ASPH: variants seen among roughly 807,000 people sequenced by gnomAD.
ASPH encodes the protein aspartyl/asparaginyl beta-hydroxylase.
A neutral mutation model predicts 118.4 loss-of-function variants in ASPH; 100 were observed. The observed-to-expected ratio is 0.84, with a 90% confidence interval of 0.72 to 1.00. The LOEUF is 1.00. Ranked by LOEUF, ASPH falls within the 50% of genes least tolerant of loss-of-function variation. The probability of loss-of-function intolerance (pLI) is 0.00; values close to 1 mark genes in which losing one functional copy is unlikely to be tolerated. For synonymous variants in ASPH, 315 were observed against 325.6 expected (o/e 0.97, Z 0.35); for missense variants, 920 against 919.5 (o/e 1.00, Z -0.01).
At chr8:61,610,800 G>A (rs1847084240) in intron 14 of ASPH, among the ~76,000 whole-genome samples, 1 of 152,210 alleles carries the variant, frequency 6.6e-6, no homozygotes, top group South Asian at 2.1e-4. Flanking sequence ...GGAATACCTA[G>A]TGTTTCAGGA....
intron 16 of ASPH, among the ~76,000 whole-genome samples, chr8:61,573,437 G>A (rs549181796): frequency 1.3e-5 from 2 of 152,268 alleles, no homozygotes; most frequent in Admixed American, 1.3e-4. Flanking sequence ...AAAGCTTGGA[G>A]GCATCACACT....
At chr8:61,656,663 C>T (rs1161311347) in intron 3 of ASPH, 1 of 152,146 alleles carries the variant, frequency 6.6e-6, no homozygotes, top group Admixed American at 6.5e-5. Flanking sequence ...TTAAAACATA[C>T]CTTGGTTTTA....
intron 16 of ASPH, among the ~76,000 whole-genome samples, chr8:61,569,634 G>C (rs1290543111): frequency 6.6e-6 from 1 of 152,042 alleles, no homozygotes; most frequent in Non-Finnish European, 1.5e-5. Context: ...AACTGATTAG[G>C]ATAAATTACC....
At chr8:61,687,629 C>T (rs1831055211) in intron 1 of ASPH, 1 of 152,164 alleles carries the variant, frequency 6.6e-6, no homozygotes, top group Non-Finnish European at 1.5e-5. Flanking sequence ...TATGATGAAA[C>T]TTTCAGGCAG....
chr8:61,589,334 G>A (rs1283903707), intron 14 of ASPH, among the ~76,000 whole-genome samples: 2 of 152,130 alleles, frequency 1.3e-5, no homozygotes, highest in African/African-American at 2.4e-5. Context: ...TACTGTGTAG[G>A]TGTAATAGTA....
At position 61,637,674 on chromosome 8, in the gene ASPH, C is replaced by A. The variant is rs191997116; in HGVS notation, c.889+273G>T. ...GTAACCTGCTGCTACTCAGGGTAGCCCTCCACACCCTCATCAATTGTTTGC... is the reference window on the plus strand; with the variant it reads ...GTAACCTGCTGCTACTCAGGGTAGCACTCCACACCCTCATCAATTGTTTGC... On this transcript the variant is annotated intron_variant, in intron 12 of 24. Transcript: ENST00000379454. Among the ~76,000 whole-genome samples, 27 of 152,228 alleles carry A rather than the reference C, an allele frequency of 1.8e-4. No homozygotes were observed. In the East Asian group the frequency reaches 4.8e-3, roughly 27 times the overall value.
intron 2 of ASPH, among the ~76,000 whole-genome samples, chr8:61,682,224 G>A (rs947851566): frequency 2.0e-5 from 3 of 151,948 alleles, no homozygotes; most frequent in Non-Finnish European, 4.4e-5. Flanking sequence ...TATTTCAACT[G>A]CTAAGAAAAC....
chr8:61,540,552 C>T (rs942828727), intron 21 of ASPH, among the ~76,000 whole-genome samples: 1 of 152,262 alleles, frequency 6.6e-6, no homozygotes, highest in East Asian at 1.9e-4. Context: ...TCTTTATAAA[C>T]TACCCAGTCT....
chr8:61,506,970 A>G (rs1333819346), intron 24 of ASPH, among the ~76,000 whole-genome samples: 1 of 152,206 alleles, frequency 6.6e-6, no homozygotes, highest in Non-Finnish European at 1.5e-5. Flanking sequence ...TGGGTGGCAG[A>G]GAACCTGGAA....
intron 21 of ASPH, among the ~76,000 whole-genome samples, chr8:61,528,183 T>C (rs1450746468): frequency 1.3e-5 from 2 of 152,304 alleles, no homozygotes; most frequent in East Asian, 1.9e-4. Flanking sequence ...GGGCAGTTCA[T>C]GAAGAACAGG....
At chr8:61,700,076 C>G (rs1311338161) in intron 1 of ASPH, among the ~76,000 whole-genome samples, 1 of 152,192 alleles carries the variant, frequency 6.6e-6, no homozygotes, top group Non-Finnish European at 1.5e-5. Flanking sequence ...AATGGGCTCC[C>G]AAGAGCAAGG....
In ASPH at chr8:61,666,049, A is replaced by G. The variant is rs1228284379; in HGVS notation, c.323-12389T>C. Among the ~76,000 whole-genome samples, 4 of 152,338 alleles carry G rather than the reference A, an allele frequency of 2.6e-5. No homozygotes were observed. In the East Asian group the frequency reaches 7.7e-4, roughly 29 times the overall value. ...GCTCAAAAACATATGTCCTTAAAAT[A>G]CACGTGCTTCTTTGAAGACAAATAT... On this transcript the variant is annotated intron_variant, in intron 3 of 24. Coordinates refer to ENST00000379454, the MANE Select transcript of ASPH (RefSeq NM_004318.4).
intron 14 of ASPH, among the ~76,000 whole-genome samples, chr8:61,596,137 A>C (rs1030856500): frequency 6.6e-6 from 1 of 152,036 alleles, no homozygotes; most frequent in Non-Finnish European, 1.5e-5. Context: ...AGATTGGTTC[A>C]CCTGGCCCGC....
At chr8:61,671,111 G>C (rs1399921607) in intron 3 of ASPH, among the ~76,000 whole-genome samples, 1 of 152,160 alleles carries the variant, frequency 6.6e-6, no homozygotes, top group Admixed American at 6.5e-5. Context: ...ACAGCACGTA[G>C]AGGGGAAAAA....
chr8:61,503,455 T>C lies in ASPH; in HGVS notation c.2181A>G (p.Val727=), dbSNP rs1437566719. ...GCCGGAAAGATGAGGCATCCTGCCA[T>C]ACCTCGTGCTCAAAGGAGTCATCAA... is the stretch of plus-strand genomic sequence containing the variant. ...LIFDDSFEHE[V]WQDASSFRLI... Residue 727 remains valine (V), a synonymous_variant, in exon 25 of 25, where the codon GTA becomes GTG. Coordinates refer to ENST00000379454, the MANE Select transcript of ASPH (RefSeq NM_004318.4). The C allele has an allele frequency of 1.2e-6, 2 of 1,613,246 alleles. No individual in the cohort carries two copies. Among genetic ancestry groups the C allele is most frequent in the South Asian group, 1.1e-5 (1 of 90,886 alleles).
intron 20 of ASPH, among the ~76,000 whole-genome samples, chr8:61,551,982 G>A (rs944476683): frequency 6.6e-6 from 1 of 152,152 alleles, no homozygotes; most frequent in Non-Finnish European, 1.5e-5. Flanking sequence ...TGAACCTCTA[G>A]TACCTCCAGA....
rs1459828175 is a variant in ASPH at position 61,693,267 on chromosome 8, C to A, written c.104-9079G>T. Among the ~76,000 whole-genome samples the A allele has an allele frequency of 3.9e-5, 6 of 152,290 alleles. No individual in the cohort carries two copies. The East Asian group carries it at 9.7e-4, about 24-fold the overall frequency. ...CTCATTCTTACATTCTTACCATGGA[C>A]CTCATCATAAACGCAACCTAATTCA... is the stretch of plus-strand genomic sequence containing the variant. On this transcript the variant is annotated intron_variant, in intron 1 of 24. Coordinates refer to ENST00000379454, the MANE Select transcript of ASPH (RefSeq NM_004318.4).
Position 61,631,398 on chromosome 8 carries a change from A to T in ASPH, c.934+2285T>A, listed in dbSNP as rs147718156. ...GGTATATCTTTTTATTTAATTTTCTATACCATATTTTTACCATACTTTGTC... is the reference window on the plus strand; with the variant it reads ...GGTATATCTTTTTATTTAATTTTCTTTACCATATTTTTACCATACTTTGTC... On this transcript the variant is annotated intron_variant, in intron 13 of 24. Coordinates refer to ENST00000379454, the MANE Select transcript of ASPH (RefSeq NM_004318.4). 7.2e-4 allele frequency among the ~76,000 whole-genome samples: 110 copies of T among 152,274 alleles called. 2 individuals are homozygous for T. In the East Asian group the frequency reaches 0.021, roughly 29 times the overall value.
chr8:61,701,026 G>C (rs992494664), intron 1 of ASPH, among the ~76,000 whole-genome samples: 2 of 152,154 alleles, frequency 1.3e-5, no homozygotes, highest in Non-Finnish European at 1.5e-5. Context: ...TCAAGATCTA[G>C]AACATCAATA....
Sources: allele counts gnomAD v4.1 joint callset (sites outside exome capture counted in the v4.1 genomes callset), GRCh38; gene constraint gnomAD v4.1.1; transcripts MANE v1.5; gene names NCBI Gene and HGNC (gene_info 2026-07-23, HGNC 2026-07-21).